The following IPO9 variants were observed in gnomAD, a reference collection of about 807,000 sequenced individuals.
IPO9 encodes importin-9.
IPO9 carries 28 observed loss-of-function variants against 128.6 expected under a neutral mutation model. The ratio of observed to expected loss-of-function variants is 0.22; its 90% CI spans 0.16 to 0.30. IPO9 has a LOEUF of 0.30. IPO9 is among the 10% of genes least tolerant of loss of function. IPO9 has a pLI of 1.00. For synonymous variants in IPO9, 455 were observed against 475.8 expected, an observed-to-expected ratio of 0.96 and a Z score of 0.57; for missense variants, 935 against 1,293.9, an observed-to-expected ratio of 0.72 and a Z score of 4.26.
rs961983788 is a variant in IPO9, at chr1:201,875,821, C to T, written c.3016-123C>T. ...GATCCAAGAACATGAAAGACCATCC[C>T]TCAGGGAGCTGGCATTTGTCTAAAA... is the stretch of plus-strand genomic sequence containing the variant. On this transcript the variant is annotated intron_variant, in intron 23 of 23. Transcript: ENST00000361565. 4.3e-6 allele frequency: 3 copies of T among 704,828 alleles called. No individual in the cohort carries two copies. In the South Asian group the frequency reaches 4.9e-5, roughly 12 times the overall value. The allele number at this position is 704,828 out of a possible 1,614,324, so 43.7% of individuals were successfully genotyped here.
chr1:201,830,239 A>G (rs1475929437), intron 1 of IPO9, among the ~76,000 whole-genome samples: 1 of 152,216 alleles, frequency 6.6e-6, no homozygotes, highest in Non-Finnish European at 1.5e-5. Context: ...TCAGAGCTTC[A>G]CTGGAACTCC....
At chr1:201,854,990 A>G in intron 8 of IPO9, 67 bp downstream of exon 8, 1 of 1,402,832 alleles carries the variant, frequency 7.1e-7, no homozygotes, top group East Asian at 2.3e-5. Flanking sequence ...ACTGGGTTTC[A>G]CATTCATATG....
At chr1:201,860,324 T>C (rs894763253) in intron 13 of IPO9, among the ~76,000 whole-genome samples, 5 of 152,214 alleles carry the variant, frequency 3.3e-5, no homozygotes, top group East Asian at 1.9e-4. Flanking sequence ...CAAATTAAAA[T>C]GGTTGTACAT....
At chr1:201,856,906 C>T (rs1680339125) in intron 10 of IPO9, among the ~76,000 whole-genome samples, 190 bp from the exon 11 acceptor site, 1 of 152,150 alleles carries the variant, frequency 6.6e-6, no homozygotes, top group Admixed American at 6.5e-5. Flanking sequence ...AGGCTGGTCT[C>T]AAACTCCTGG....
chr1:201,830,512 G>C (rs1679814441), intron 1 of IPO9, among the ~76,000 whole-genome samples: 1 of 152,146 alleles, frequency 6.6e-6, no homozygotes, highest in Non-Finnish European at 1.5e-5. Flanking sequence ...ACAGGCTAAG[G>C]ACCATTTTGA....
At chr1:201,872,780 A>C in intron 19 of IPO9, 48 bp from the exon 20 acceptor site, 1 of 1,574,428 alleles carries the variant, frequency 6.4e-7, no homozygotes. Flanking sequence ...CTTGGAGTGA[A>C]CTCGAGATGG....
chr1:201,842,228 G>A (rs1680048044), intron 1 of IPO9, among the ~76,000 whole-genome samples: 1 of 152,132 alleles, frequency 6.6e-6, no homozygotes, highest in Admixed American at 6.5e-5. Flanking sequence ...CAGAACTTAG[G>A]GAAATGCTTT....
intron 1 of IPO9, among the ~76,000 whole-genome samples, chr1:201,834,430 A>G (rs1679889690): frequency 6.6e-6 from 1 of 152,000 alleles, no homozygotes; most frequent in African/African-American, 2.4e-5. Context: ...AGATCATGAG[A>G]ATTACCATCT....
rs772587786 is a variant in IPO9, at chr1:201,868,844, G to A, written c.2004+48G>A. Reference sequence around the variant, plus strand: ...GTGTGTGTGTGAGAGAGATCTACAAGTGCCACCCACAGATGCATCTAGCTG... The same window carrying A: ...GTGTGTGTGTGAGAGAGATCTACAAATGCCACCCACAGATGCATCTAGCTG... On this transcript the variant is annotated intron_variant, in intron 16 of 23. Coordinates refer to ENST00000361565, the MANE Select transcript of IPO9 (RefSeq NM_018085.5). The A allele has an allele frequency of 1.1e-5, 17 of 1,538,286 alleles. No homozygotes were observed. In the South Asian group the frequency reaches 2.1e-4, roughly 19 times the overall value.
At chr1:201,831,422 A>G (rs1204335871) in intron 1 of IPO9, among the ~76,000 whole-genome samples, 5 of 152,102 alleles carry the variant, frequency 3.3e-5, no homozygotes, top group Non-Finnish European at 5.9e-5. Context: ...GTTTAGTGCA[A>G]TGCTTCGGAC....
Position 201,884,205 on chromosome 1 carries a change from A to G in IPO9, c.*8151A>G, listed in dbSNP as rs1178973977. On this transcript the variant is annotated 3_prime_UTR_variant, in exon 24 of 24. Transcript: ENST00000361565. ...GACAAGCTGCTTAAATTATGTCTCC[A>G]TTTCCTAATCCACAGAACAAGTGTA... 6.6e-6 allele frequency: 1 copy of G among 152,208 alleles called. No individual in the cohort carries two copies. The highest frequency in any genetic ancestry group is 2.4e-5 in the African/African-American group (1 of 41,448). 9.4% of individuals were successfully genotyped at this position (152,208 alleles called of 1,614,324 possible).
intron 13 of IPO9, among the ~76,000 whole-genome samples, chr1:201,861,706 G>T (rs1680450897): frequency 6.6e-6 from 1 of 152,184 alleles, no homozygotes; most frequent in Non-Finnish European, 1.5e-5. Context: ...TGTTTATTGT[G>T]TGAGTAAACA....
chr1:201,832,470 G>A (rs1454101370), intron 1 of IPO9, among the ~76,000 whole-genome samples: 2 of 152,150 alleles, frequency 1.3e-5, no homozygotes, highest in Non-Finnish European at 2.9e-5. Flanking sequence ...TGTTGCCCAG[G>A]CTGATCTTGA....
chr1:201,858,297 T>G (rs1680372771), intron 11 of IPO9, 150 bp from the exon 12 acceptor site: 1 of 449,454 alleles, frequency 2.2e-6, no homozygotes, highest in South Asian at 6.5e-5. Flanking sequence ...CCTGACCTAC[T>G]GGTATAACAT....
At chr1:201,853,709 C>G (rs1680267214) in intron 6 of IPO9, among the ~76,000 whole-genome samples, 1 of 152,062 alleles carries the variant, frequency 6.6e-6, no homozygotes, top group Non-Finnish European at 1.5e-5. Context: ...TGCTACCACT[C>G]CTGGCTAATG....
rs546496180 is a variant in IPO9 at position 201,880,831 on chromosome 1, A to G, written c.*4777A>G. 2.6e-5 allele frequency: 4 copies of G among 152,362 alleles called. No homozygotes were observed. The highest frequency in any genetic ancestry group is 1.9e-4 in the East Asian group (1 of 5,186). 9.4% of individuals were successfully genotyped at this position (152,362 alleles called of 1,614,324 possible). On this transcript the variant is annotated 3_prime_UTR_variant, in exon 24 of 24. Transcript: ENST00000361565. The stretch of plus-strand genomic sequence containing the variant: ...GGTAGAAACAGTACTTCAAGTATCC[A>G]TACAATCAGTACAGTATTCAATAAA...
rs570067023 is a variant in IPO9 at position 201,852,727 on chromosome 1, T to C, written c.604-284T>C. 3.9e-5 allele frequency among the ~76,000 whole-genome samples: 6 copies of C among 152,338 alleles called. No homozygotes were observed. The East Asian group carries it at 1.2e-3, about 29-fold the overall frequency. On this transcript the variant is annotated intron_variant, in intron 5 of 23. Transcript: ENST00000361565. ...AAATATATTGGCTGTGTTGGGATTT[T>C]AAGCACTACCTAGTCTGGTATTTTT... is the stretch of plus-strand genomic sequence containing the variant.
intron 6 of IPO9, among the ~76,000 whole-genome samples, chr1:201,853,637 A>G (rs1680266373): frequency 6.6e-6 from 1 of 152,036 alleles, no homozygotes; most frequent in Admixed American, 6.6e-5. Context: ...TGCAGCCTCA[A>G]CCTCCCAGGT....
intron 17 of IPO9, 127 bp downstream of exon 17, chr1:201,869,845 C>G (rs1232802549): frequency 8.3e-7 from 1 of 1,204,270 alleles, no homozygotes; most frequent in Admixed American, 2.9e-5. Context: ...ATTTACTTAG[C>G]AGATTCAGGA....
Sources: gnomAD v4.1 joint callset for allele counts (sites outside exome capture counted in the v4.1 genomes callset) on GRCh38, gnomAD v4.1.1 for gene constraint, MANE v1.5 for transcripts, NCBI Gene and HGNC (gene_info 2026-07-23, HGNC 2026-07-21) for gene names.